The following MAP2K5 variants were observed in gnomAD, a reference collection of about 807,000 sequenced individuals.
The protein encoded by MAP2K5 is mitogen-activated protein kinase kinase 5, also known as dual specificity mitogen-activated protein kinase kinase 5.
MAP2K5 carries 49 observed loss-of-function variants against 83.1 expected under a neutral mutation model. The observed-to-expected ratio is 0.59, with a 90% CI of 0.47 to 0.75. The LOEUF is 0.75. Among genes scored for constraint, MAP2K5 ranks in the 30% least tolerant of loss-of-function variants. The pLI is 0.00. For synonymous variants in MAP2K5, 202 were observed against 191.8 expected, an observed-to-expected ratio of 1.05 and a Z score of -0.44; for missense variants, 457 against 557.5, an observed-to-expected ratio of 0.82 and a Z score of 1.82.
chr15:67,765,884 T>G (rs2090032321), intron 19 of MAP2K5, among the ~76,000 whole-genome samples: 2 of 152,216 alleles, frequency 1.3e-5, no homozygotes, highest in South Asian at 4.1e-4. Context: ...CATTCTGAAC[T>G]TGTCCTTTTG....
chr15:67,550,095 T>C lies in MAP2K5; in HGVS notation c.184+13T>C, dbSNP rs1428603977. On this transcript the variant is annotated intron_variant, in intron 2 of 21. Transcript: ENST00000178640. Reference sequence around the variant, plus strand: ...ACAGCATTTGAATGTAAGTCTGGCTTGTATACTTTCTTGACTATTCCTTTC... The same window carrying C: ...ACAGCATTTGAATGTAAGTCTGGCTCGTATACTTTCTTGACTATTCCTTTC... 2 of 1,612,160 alleles carry C rather than the reference T, an allele frequency of 1.2e-6. No individual in the cohort carries two copies. The highest frequency in any genetic ancestry group is 1.7e-6 in the Non-Finnish European group (2 of 1,178,348).
chr15:67,688,661 G>A, intron 13 of MAP2K5, among the ~76,000 whole-genome samples: 1 of 152,150 alleles, frequency 6.6e-6, no homozygotes, highest in East Asian at 1.9e-4. Context: ...CTTAAAGAAT[G>A]TTGGACAGTT....
At chr15:67,650,250 A>T (rs759486649) in intron 11 of MAP2K5, among the ~76,000 whole-genome samples, 5 of 152,202 alleles carry the variant, frequency 3.3e-5, no homozygotes, top group Non-Finnish European at 5.9e-5. Flanking sequence ...TATATACAAG[A>T]TAATGCCATC....
intron 3 of MAP2K5, among the ~76,000 whole-genome samples, chr15:67,569,027 A>G (rs932332110): frequency 1.3e-5 from 2 of 151,736 alleles, no homozygotes; most frequent in Non-Finnish European, 2.9e-5. Context: ...AAACAAAAAA[A>G]AAAAACAAAA....
intron 13 of MAP2K5, among the ~76,000 whole-genome samples, chr15:67,673,278 C>A (rs1292827229): frequency 6.6e-6 from 1 of 151,888 alleles, no homozygotes; most frequent in Non-Finnish European, 1.5e-5. Flanking sequence ...ACAGTCCCAT[C>A]TAAGGGCATC....
rs1470074539 is a variant in MAP2K5 at position 67,724,028 on chromosome 15, A to G, written c.1045-3888A>G. Among the ~76,000 whole-genome samples, 2 of 152,190 alleles carry G rather than the reference A, an allele frequency of 1.3e-5. No homozygotes were observed. Among genetic ancestry groups the G allele is most frequent in the African/African-American group, 4.8e-5 (2 of 41,434 alleles). Reference sequence around the variant, plus strand: ...GAGTTTTTTCCTAGTTTTAAACCAAACCACCCTCTTGAGTGCTGATTGCCT... The same window carrying G: ...GAGTTTTTTCCTAGTTTTAAACCAAGCCACCCTCTTGAGTGCTGATTGCCT... On this transcript the variant is annotated intron_variant, in intron 16 of 21. Transcript: ENST00000178640. This position sits in a 1 kb window ranked among gnomAD's most constrained non-coding sequence, Gnocchi z 4.4.
intron 8 of MAP2K5, among the ~76,000 whole-genome samples, chr15:67,613,780 T>TA (rs1219785428): frequency 1.8e-4 from 28 of 152,116 alleles, no homozygotes; most frequent in South Asian, 2.1e-4. Flanking sequence ...CTTGAGTTTT[T>TA]AATGGAAACG....
intron 3 of MAP2K5, among the ~76,000 whole-genome samples, chr15:67,569,250 T>A (rs1371785303): frequency 1.3e-5 from 2 of 152,244 alleles, no homozygotes; most frequent in African/African-American, 4.8e-5. Context: ...AGGTTCTACT[T>A]TGAACTTAAC....
rs1002461831 is a variant in MAP2K5 at position 67,552,158 on chromosome 15, GC to G, written c.184+2078del. On this transcript the variant is annotated intron_variant, in intron 2 of 21. Transcript: ENST00000178640. This position sits in a 1 kb window ranked among gnomAD's most constrained non-coding sequence, Gnocchi z 4.2. Reference sequence around the variant, plus strand: ...GTTTGAACATTTTTCAACAATCATTGCCTGTTTTTAAAAGCTATAATGAGTA... The same window carrying G: ...GTTTGAACATTTTTCAACAATCATTGCTGTTTTTAAAAGCTATAATGAGTA... Among the ~76,000 whole-genome samples the G allele has an allele frequency of 6.6e-6, 1 of 152,080 alleles. No homozygotes were observed. The highest frequency in any genetic ancestry group is 2.4e-5 in the African/African-American group (1 of 41,396).
At chr15:67,787,598 AAG>A (rs761580637) in intron 21 of MAP2K5, among the ~76,000 whole-genome samples, 7 of 152,214 alleles carry the variant, frequency 4.6e-5, no homozygotes, top group Non-Finnish European at 1.0e-4. Flanking sequence ...TAATCATAAG[AAG>A]AGTTATTTAA....
chr15:67,762,547 A>T (rs2089967367), intron 19 of MAP2K5, among the ~76,000 whole-genome samples: 1 of 146,500 alleles, frequency 6.8e-6, no homozygotes, highest in African/African-American at 2.6e-5. Context: ...AGTAAATATA[A>T]GTCTTTTAAA....
At chr15:67,604,560 C>A (rs920691432) in intron 8 of MAP2K5, among the ~76,000 whole-genome samples, 2 of 152,112 alleles carry the variant, frequency 1.3e-5, no homozygotes, top group African/African-American at 4.8e-5. Flanking sequence ...TATATAATGT[C>A]TTATGCCTCA....
In MAP2K5 at chr15:67,779,034, T is replaced by A. The variant is rs963862425; in HGVS notation, c.1242+6282T>A. ...TAATGTGTCTGGCCACTCATTCTTG[T>A]AAACATCATTTTGTTTTCAGTTGTT... On this transcript the variant is annotated intron_variant, in intron 21 of 21. Transcript: ENST00000178640. The surrounding 1 kb of genome is among the most constrained non-coding windows in gnomAD (Gnocchi z 4.6). Among the ~76,000 whole-genome samples the A allele has an allele frequency of 6.6e-6, 1 of 152,238 alleles. No homozygotes were observed. The highest frequency in any genetic ancestry group is 1.5e-5 in the Non-Finnish European group (1 of 68,040).
rs765565881 is a variant in MAP2K5, at chr15:67,563,286, A to G, written c.188A>G (p.Glu63Gly). The G allele has an allele frequency of 6.2e-7, 1 of 1,610,432 alleles. No individual in the cohort carries two copies. Among genetic ancestry groups the G allele is most frequent in the South Asian group, 1.1e-5 (1 of 90,564 alleles). ...TGCATTATGTGCTTTTAAACAGATG[A>G]AGATGAAGATGGTGATCGAATTACA... ...PEATTTAFEY[E>G]DEDGDRITVR... The change falls in exon 3 of 22, where the codon GAA (glutamate) becomes GGA (glycine). Residue 63 changes from glutamate (E) to glycine (G), a missense_variant. Glu to Gly is a moderately conservative substitution (Grantham distance 98). Transcript: ENST00000178640. This position sits in a 1 kb window ranked among gnomAD's most constrained non-coding sequence, Gnocchi z 4.5.
chr15:67,617,810 C>T (rs931496459), intron 8 of MAP2K5, among the ~76,000 whole-genome samples: 4 of 152,104 alleles, frequency 2.6e-5, no homozygotes, highest in Admixed American at 2.0e-4. Context: ...TCTCACCTCA[C>T]GTCCCAAGTA....
intron 9 of MAP2K5, chr15:67,642,524 A>G (rs377492339): frequency 5.5e-6 from 7 of 1,278,710 alleles, no homozygotes; most frequent in African/African-American, 1.5e-5. Flanking sequence ...CAATGGTGGC[A>G]TTCAAGCTGG....
chr15:67,744,231 T>C (rs1019173783), intron 17 of MAP2K5, among the ~76,000 whole-genome samples: 9 of 152,144 alleles, frequency 5.9e-5, no homozygotes, highest in African/African-American at 2.2e-4. Context: ...AGAGAGTCCT[T>C]GCAAAATAGC....
In MAP2K5 at chr15:67,609,762, A is replaced by C. The variant is rs534021594; in HGVS notation, c.545+9013A>C. Among the ~76,000 whole-genome samples the C allele has an allele frequency of 2.8e-4, 43 of 152,012 alleles. No homozygotes were observed. The East Asian group carries it at 8.3e-3, about 29-fold the overall frequency. ...GTAGAAGAGGTGCTCAGGAAGACCT[A>C]TCTGAGGAGGTGCTGTTTGAGCTGA... On this transcript the variant is annotated intron_variant, in intron 8 of 21. Coordinates refer to ENST00000178640, the MANE Select transcript of MAP2K5 (RefSeq NM_145160.3).
intron 17 of MAP2K5, among the ~76,000 whole-genome samples, chr15:67,737,953 G>A (rs993042191): frequency 1.2e-4 from 16 of 130,374 alleles, no homozygotes; most frequent in African/African-American, 4.5e-4. Flanking sequence ...CCAGGTTCAA[G>A]TGATTCTCCT....
Sources: allele counts gnomAD v4.1 joint callset (sites outside exome capture counted in the v4.1 genomes callset), GRCh38; gene constraint gnomAD v4.1.1; non-coding constraint Gnocchi (gnomAD v3.1); transcripts MANE v1.5; gene names NCBI Gene and HGNC (gene_info 2026-07-23, HGNC 2026-07-21).